Variants in SNX29 observed in about 807,000 individuals in gnomAD.
The protein encoded by SNX29 is sorting nexin-29.
SNX29 carries 78 observed loss-of-function variants against 102.1 expected under a neutral mutation model. That is an observed-to-expected ratio of 0.76 (90% CI 0.64 to 0.92). The LOEUF (loss-of-function observed/expected upper bound fraction) is 0.92, where lower values mean the gene tolerates loss of function less well. Among genes scored for constraint, SNX29 ranks in the 40% least tolerant of loss-of-function variants. The pLI is 0.00. For synonymous variants in SNX29, 580 were observed against 414.5 expected (o/e 1.40, Z -4.85); for missense variants, 1,280 against 1,061.7 (o/e 1.21, Z -2.86).
chr16:12,078,214 C>G (rs1314039983), intron 10 of SNX29, among the ~76,000 whole-genome samples: 1 of 151,956 alleles, frequency 6.6e-6, no homozygotes, highest in African/African-American at 2.4e-5. Flanking sequence ...GTGGGTCATG[C>G]CTGTAATCCC....
chr16:11,987,993 A>G (rs1173659419), intron 1 of SNX29, among the ~76,000 whole-genome samples: 1 of 152,146 alleles, frequency 6.6e-6, no homozygotes, highest in Non-Finnish European at 1.5e-5. Context: ...GGGGAATTTC[A>G]CTTTAAATGT....
chr16:12,051,383 C>A (rs1359539365), intron 7 of SNX29, among the ~76,000 whole-genome samples: 3 of 150,560 alleles, frequency 2.0e-5, no homozygotes, highest in African/African-American at 7.3e-5. Flanking sequence ...CAAGAGGGTG[C>A]AGAAATAGAC....
At chr16:12,342,470 G>A (rs886469451) in intron 15 of SNX29, among the ~76,000 whole-genome samples, 2 of 152,192 alleles carry the variant, frequency 1.3e-5, no homozygotes, top group Non-Finnish European at 2.9e-5. Context: ...CCAGATTCAA[G>A]CCCTTAAATT....
intron 16 of SNX29, among the ~76,000 whole-genome samples, chr16:12,382,321 C>G (rs1320063534): frequency 6.6e-6 from 1 of 152,164 alleles, no homozygotes; most frequent in South Asian, 2.1e-4. Context: ...GTGAACCTTG[C>G]TCCGTCGGAC....
At chr16:12,416,358 C>T (rs553950114) in intron 18 of SNX29, among the ~76,000 whole-genome samples, 11 of 152,230 alleles carry the variant, frequency 7.2e-5, no homozygotes, top group South Asian at 4.1e-4. Flanking sequence ...TGATCTGTTG[C>T]GCAGCAGGGT....
intron 14 of SNX29, among the ~76,000 whole-genome samples, chr16:12,203,126 T>C (rs148514836): frequency 0.013 from 1,883 of 150,502 alleles, 41 homozygotes; most frequent in African/African-American, 0.044. Context: ...CTGGTGGCAT[T>C]GGAGGTGACA....
intron 16 of SNX29, among the ~76,000 whole-genome samples, chr16:12,380,705 A>ACCAACCATCAATTCCATCCACCC (rs2083068323): frequency 2.9e-5 from 1 of 34,918 alleles, no homozygotes; most frequent in African/African-American, 9.6e-5. Flanking sequence ...TCCACCCACC[A>ACCAACCATCAATTCCATCCACCC]ACCATCAATT....
intron 11 of SNX29, among the ~76,000 whole-genome samples, chr16:12,117,351 G>A (rs111537144): frequency 3.9e-5 from 5 of 126,736 alleles, no homozygotes; most frequent in South Asian, 2.6e-4. Context: ...GGAAACAGGC[G>A]TGGTCAATAC....
chr16:12,275,052 G>A (rs961419823), intron 14 of SNX29, among the ~76,000 whole-genome samples: 1 of 152,050 alleles, frequency 6.6e-6, no homozygotes, highest in African/African-American at 2.4e-5. Context: ...TTTCATCTTA[G>A]GTGCTTTTCT....
intron 17 of SNX29, among the ~76,000 whole-genome samples, chr16:12,402,252 C>G (rs12325210): frequency 0.019 from 2,871 of 152,284 alleles, 92 homozygotes; most frequent in African/African-American, 0.066. Flanking sequence ...CAGGAGAGAC[C>G]CATTACCTGA....
At chr16:12,534,185 A>G (rs994118368) in intron 20 of SNX29, among the ~76,000 whole-genome samples, 1 of 152,342 alleles carries the variant, frequency 6.6e-6, no homozygotes, top group Middle Eastern at 3.4e-3. Context: ...TGAGGTCTTC[A>G]TAAGAGTGTG....
At position 12,262,114 on chromosome 16, in the gene SNX29, G is replaced by A. The variant is rs1240907973; in HGVS notation, c.1679-15819G>A. Among the ~76,000 whole-genome samples the A allele has an allele frequency of 2.0e-5, 3 of 151,832 alleles. 1 individual carries two copies. The highest frequency in any genetic ancestry group is 4.4e-5 in the Non-Finnish European group (3 of 67,964). On this transcript the variant is annotated intron_variant, in intron 14 of 20. Transcript: ENST00000566228. ...CGGCTGAAGTAAGTGTTTGCTCTGA[G>A]CTCTGGTCTGTGCGCGCGTCCCCAG...
chr16:12,151,982 G>T (rs2055321790), intron 13 of SNX29, among the ~76,000 whole-genome samples: 1 of 152,176 alleles, frequency 6.6e-6, no homozygotes, highest in Non-Finnish European at 1.5e-5. Flanking sequence ...TGATCCTGAG[G>T]CCGAGGCAGG....
At chr16:12,252,212 A>G (rs550946270) in intron 14 of SNX29, among the ~76,000 whole-genome samples, 1 of 152,224 alleles carries the variant, frequency 6.6e-6, no homozygotes, top group African/African-American at 2.4e-5. Flanking sequence ...TCCACAAGCT[A>G]CATCCACAAA....
intron 3 of SNX29, 150 bp downstream of exon 3, chr16:12,003,193 C>A (rs540129578): frequency 3.3e-6 from 3 of 916,854 alleles, no homozygotes; most frequent in Non-Finnish European, 5.3e-6. Context: ...AGAGGTGCAG[C>A]GCTGAAATTT....
intron 20 of SNX29, among the ~76,000 whole-genome samples, chr16:12,550,975 C>G (rs1196217219): frequency 6.6e-6 from 1 of 152,076 alleles, no homozygotes; most frequent in Non-Finnish European, 1.5e-5. Flanking sequence ...TAGGGCACAA[C>G]AAAAAGCTGT....
At chr16:12,485,611 A>G (rs1597567142) in intron 19 of SNX29, among the ~76,000 whole-genome samples, 2 of 152,306 alleles carry the variant, frequency 1.3e-5, no homozygotes, top group East Asian at 1.9e-4. Context: ...CGGCAGGGTC[A>G]GTGGAGAGGT....
At chr16:12,213,738 G>A (rs2077247959) in intron 14 of SNX29, among the ~76,000 whole-genome samples, 1 of 152,216 alleles carries the variant, frequency 6.6e-6, no homozygotes. Flanking sequence ...TGACAAAACA[G>A]TATTTGTGTG....
At chr16:12,431,132 G>A (rs145823739) in intron 18 of SNX29, among the ~76,000 whole-genome samples, 1,876 of 152,280 alleles carry the variant, frequency 0.012, 44 homozygotes, top group African/African-American at 0.038. Flanking sequence ...GATTACAGGC[G>A]TGAGCCACTG....
Sources: allele counts gnomAD v4.1 joint callset (sites outside exome capture counted in the v4.1 genomes callset), GRCh38; gene constraint gnomAD v4.1.1; transcripts MANE v1.5; gene names NCBI Gene and HGNC (gene_info 2026-07-23, HGNC 2026-07-21).